The following IGSF5 variants were observed in gnomAD, a reference collection of about 807,000 sequenced individuals.
The protein encoded by IGSF5 is immunoglobulin superfamily member 5.
IGSF5 carries 41 observed loss-of-function variants against 39.4 expected under a neutral mutation model. The observed-to-expected ratio is 1.04, with a 90% CI of 0.81 to 1.35. IGSF5 has a LOEUF of 1.35. IGSF5 is among the 40% of genes most tolerant of loss of function. The pLI is 0.00. For synonymous variants in IGSF5, 183 were observed against 175.3 expected, an observed-to-expected ratio of 1.04 and a Z score of -0.34; for missense variants, 487 against 494.6, an observed-to-expected ratio of 0.98 and a Z score of 0.15.
At chr21:39,738,877 G>A in the IGSF5 span, among the ~76,000 whole-genome samples, 20 of 150,236 alleles carry the variant, frequency 1.3e-4, no homozygotes, top group Non-Finnish European at 2.1e-4. This position sits in a 1 kb window ranked among gnomAD's most constrained non-coding sequence, Gnocchi z 6.4. Flanking sequence ...TGGCAGATAC[G>A]AGGAGGGCAG....
At chr21:39,764,341 C>A (rs908004565) in intron 2 of IGSF5, among the ~76,000 whole-genome samples, 6 of 152,102 alleles carry the variant, frequency 3.9e-5, no homozygotes, top group East Asian at 1.9e-4. Context: ...TCTTTTAGAA[C>A]CTGCCTTGCC....
intron 2 of IGSF5, among the ~76,000 whole-genome samples, chr21:39,759,733 G>A (rs997605861): frequency 6.6e-6 from 1 of 152,018 alleles, no homozygotes; most frequent in African/African-American, 2.4e-5. Flanking sequence ...AGGGTGTGGT[G>A]GCACGCAACT....
chr21:39,796,733 C>T (rs1328511241), intron 8 of IGSF5, among the ~76,000 whole-genome samples: 5 of 152,194 alleles, frequency 3.3e-5, no homozygotes, highest in South Asian at 2.1e-4. Context: ...GCAGAAACCC[C>T]GCATGAAGCT....
In IGSF5 at chr21:39,779,216, C is replaced by T; in HGVS notation, c.845C>T (p.Thr282Ile). 2.5e-6 allele frequency: 4 copies of T among 1,614,144 alleles called. No individual in the cohort carries two copies. The highest frequency in any genetic ancestry group is 3.4e-6 in the Non-Finnish European group (4 of 1,180,020). The change falls in exon 5 of 9, where the codon ACT becomes ATT. Residue 282 changes from threonine (T) to isoleucine (I), a missense_variant. Transcript: ENST00000380588. ...AGTMLLTPTC[T>I]LTIRCCCCRR... is the part of the protein sequence containing the mutation. Reference sequence around the variant, plus strand: ...ACCATGCTTCTGACGCCGACGTGTACTCTTACAATACGCTGCTGCTGCTGC... The same window carrying T: ...ACCATGCTTCTGACGCCGACGTGTATTCTTACAATACGCTGCTGCTGCTGC...
intron 8 of IGSF5, among the ~76,000 whole-genome samples, chr21:39,796,593 C>T (rs1190178271): frequency 6.6e-6 from 1 of 152,242 alleles, no homozygotes; most frequent in Non-Finnish European, 1.5e-5. Flanking sequence ...TTGTCAGAGC[C>T]TCCTGAGCTG....
In IGSF5 at chr21:39,748,301, CTT is replaced by C. The variant is rs60669244; in HGVS notation, c.100+2029_100+2030del. 6.1e-3 allele frequency among the ~76,000 whole-genome samples: 357 copies of C among 58,206 alleles called. 2 individuals carry two copies. The highest frequency in any genetic ancestry group is 0.012 in the African/African-American group (178 of 15,476). The allele number at this position is 58,206 out of a possible 152,430, so 38.2% of individuals were successfully genotyped here. A position where few individuals can be genotyped will look rare whatever the true frequency, so the allele number is the denominator to read the frequency against. On this transcript the variant is annotated intron_variant, in intron 2 of 8. Transcript: ENST00000380588. ...TGTGCAAGTGAAGAGAAAACAAGAT[CTT>C]TTTTTTTTTTTTTTTTTTTTTTTTT... is the stretch of plus-strand genomic sequence containing the variant.
chr21:39,711,808 C>T, the IGSF5 span, among the ~76,000 whole-genome samples: 1 of 152,210 alleles, frequency 6.6e-6, no homozygotes, highest in Admixed American at 6.5e-5. Flanking sequence ...GCTGAGATTA[C>T]AGGCGTGAGC....
At chr21:39,778,092 C>T (rs1350702990) in intron 4 of IGSF5, among the ~76,000 whole-genome samples, 3 of 152,162 alleles carry the variant, frequency 2.0e-5, no homozygotes, top group Non-Finnish European at 4.4e-5. Flanking sequence ...AACAGATCAA[C>T]TTAAATGTGT....
the IGSF5 span, among the ~76,000 whole-genome samples, chr21:39,717,063 C>T: frequency 6.6e-6 from 1 of 152,120 alleles, no homozygotes; most frequent in Non-Finnish European, 1.5e-5. Context: ...GAGATGGTAT[C>T]TCACTGTGGT....
intron 4 of IGSF5, among the ~76,000 whole-genome samples, chr21:39,777,383 CT>C (rs1217047986): frequency 6.6e-6 from 1 of 152,192 alleles, no homozygotes; most frequent in Non-Finnish European, 1.5e-5. Context: ...TATCCTGACT[CT>C]GTGATCCTGG....
At chr21:39,736,875 C>T in the IGSF5 span, among the ~76,000 whole-genome samples, 1 of 152,186 alleles carries the variant, frequency 6.6e-6, no homozygotes, top group Non-Finnish European at 1.5e-5. Context: ...TGCTGGCCAG[C>T]CCTCACAACT....
chr21:39,799,340 C>T (rs7281547), intron 8 of IGSF5, among the ~76,000 whole-genome samples: 6,182 of 152,258 alleles, frequency 0.041, 444 homozygotes, highest in African/African-American at 0.14. Flanking sequence ...ACCCTGCTGG[C>T]GTAGCAGCAG....
intron 3 of IGSF5, among the ~76,000 whole-genome samples, chr21:39,766,991 T>G (rs540864043): frequency 6.6e-6 from 1 of 152,298 alleles, no homozygotes; most frequent in South Asian, 2.1e-4. Context: ...TTTTAGAAAT[T>G]TAGCTAAATT....
At chr21:39,766,002 C>T (rs1178180448) in intron 3 of IGSF5, 150 bp downstream of exon 3, 7 of 739,620 alleles carry the variant, frequency 9.5e-6, no homozygotes, top group Admixed American at 5.6e-5. Context: ...GAATGTTTTG[C>T]GATTTATTTG....
intron 8 of IGSF5, among the ~76,000 whole-genome samples, chr21:39,796,032 G>A (rs867283883): frequency 1.3e-5 from 2 of 152,164 alleles, no homozygotes; most frequent in Non-Finnish European, 2.9e-5. Context: ...GCCGTCATGG[G>A]CCCAGGCACG....
chr21:39,779,853 A>T (rs1397045875), intron 5 of IGSF5, among the ~76,000 whole-genome samples: 1 of 152,220 alleles, frequency 6.6e-6, no homozygotes, highest in Non-Finnish European at 1.5e-5. Context: ...AAAAAAGCCA[A>T]GCTCATGGAA....
At chr21:39,732,950 T>C in the IGSF5 span, among the ~76,000 whole-genome samples, 3 of 151,898 alleles carry the variant, frequency 2.0e-5, no homozygotes, top group African/African-American at 7.3e-5. Context: ...CACTTGAGCC[T>C]GGGAGGTCAA....
chr21:39,714,997 G>A, the IGSF5 span, among the ~76,000 whole-genome samples: 1 of 151,178 alleles, frequency 6.6e-6, no homozygotes, highest in East Asian at 2.0e-4. Flanking sequence ...GATGGGCCTG[G>A]GCCAGGACTC....
chr21:39,729,514 A>G, the IGSF5 span: 1 of 152,268 alleles, frequency 6.6e-6, no homozygotes, highest in Non-Finnish European at 1.5e-5. Context: ...TGGATCAGGC[A>G]TTATGCAGAG....
Sources: allele counts gnomAD v4.1 joint callset (sites outside exome capture counted in the v4.1 genomes callset), GRCh38; gene constraint gnomAD v4.1.1; non-coding constraint Gnocchi (gnomAD v3.1); transcripts MANE v1.5; gene names NCBI Gene and HGNC (gene_info 2026-07-23, HGNC 2026-07-21).